Variants in PLCL2 observed in about 807,000 individuals in gnomAD.
PLCL2 encodes phospholipase C like 2, also known as inactive phospholipase C-like protein 2.
Under a neutral mutation model 79.6 loss-of-function variants are expected in PLCL2, and 4 were observed. The observed-to-expected ratio is 0.05, with a 90% CI of 0.02 to 0.11. The LOEUF (loss-of-function observed/expected upper bound fraction) is 0.11, where lower values mean the gene tolerates loss of function less well. Ranked by LOEUF, PLCL2 falls within the 10% of genes least tolerant of loss-of-function variation. The pLI, the probability that PLCL2 is intolerant of heterozygous loss-of-function variation, is 1.00. For missense variants in PLCL2, 895 were observed against 1,291.0 expected, an observed-to-expected ratio of 0.69 and a Z score of 4.70; for synonymous variants, 484 against 457.7, an observed-to-expected ratio of 1.06 and a Z score of -0.73.
At position 17,047,530 on chromosome 3, in the gene PLCL2, G is replaced by T. The variant is rs372041425; in HGVS notation, c.3094+4581G>T. ...CGTATTTTCATGCATGGCCAGGGTT[G>T]CATCTTCACTGAGTAAAGTGGGATC... On this transcript the variant is annotated intron_variant, in intron 4 of 5. Transcript: ENST00000615277. 2.0e-5 allele frequency among the ~76,000 whole-genome samples: 3 copies of T among 152,304 alleles called. No homozygotes were observed. The East Asian group carries it at 5.8e-4, about 29-fold the overall frequency.
chr3:16,887,961 C>A lies in PLCL2; in HGVS notation c.327+2595C>A, dbSNP rs534014474. ...TAGTAAGCAAGGTGATAATTGGGGA[C>A]TTGAGGGAATAGCAGGGAGTGAATG... On this transcript the variant is annotated intron_variant, in intron 1 of 5. Transcript: ENST00000615277. This position sits in a 1 kb window ranked among gnomAD's most constrained non-coding sequence, Gnocchi z 4.1. Among the ~76,000 whole-genome samples the A allele has an allele frequency of 1.3e-4, 19 of 151,976 alleles. No individual in the cohort carries two copies. Among genetic ancestry groups the A allele is most frequent in the Middle Eastern group, 6.8e-3 (2 of 294 alleles).
At chr3:17,001,612 C>T (rs1454209864) in intron 1 of PLCL2, among the ~76,000 whole-genome samples, 1 of 152,046 alleles carries the variant, frequency 6.6e-6, no homozygotes, top group African/African-American at 2.4e-5. Context: ...AAGAGACTGT[C>T]CTTTCCTTAA....
rs936337942 is a variant in PLCL2 at position 17,035,167 on chromosome 3, G to A, written c.3019-7707G>A. ...AGAAGCAAGCTGTCACATAATTTCC[G>A]GTTGTACTCGAGGTTCTTAGACTTC... On this transcript the variant is annotated intron_variant, in intron 3 of 5. Transcript: ENST00000615277. 5.3e-5 allele frequency among the ~76,000 whole-genome samples: 8 copies of A among 152,062 alleles called. 1 individual carries two copies. The highest frequency in any genetic ancestry group is 4.1e-4 in the South Asian group (2 of 4,826).
At chr3:16,951,368 C>A (rs551025946) in intron 1 of PLCL2, among the ~76,000 whole-genome samples, 3 of 151,914 alleles carry the variant, frequency 2.0e-5, no homozygotes, top group African/African-American at 7.3e-5. Flanking sequence ...TTTTAACATA[C>A]TATCTGAATT....
chr3:16,996,057 G>C (rs1048700203), intron 1 of PLCL2, among the ~76,000 whole-genome samples: 8 of 152,212 alleles, frequency 5.3e-5, no homozygotes, highest in Non-Finnish European at 1.2e-4. Flanking sequence ...AGGGAAATCA[G>C]CACTGGCCCC....
chr3:17,025,323 T>A (rs576483113), intron 3 of PLCL2, among the ~76,000 whole-genome samples: 4 of 152,180 alleles, frequency 2.6e-5, no homozygotes, highest in African/African-American at 9.7e-5. Context: ...GTATATACTT[T>A]TTTATGGAGA....
chr3:16,911,985 G>T (rs1696892826), intron 1 of PLCL2, among the ~76,000 whole-genome samples: 1 of 152,084 alleles, frequency 6.6e-6, no homozygotes, highest in South Asian at 2.1e-4. Context: ...AAACATAAAT[G>T]AATTTCTTGT....
At chr3:16,926,226 T>C (rs1016798824) in intron 1 of PLCL2, among the ~76,000 whole-genome samples, 1 of 152,188 alleles carries the variant, frequency 6.6e-6, no homozygotes, top group African/African-American at 2.4e-5. Context: ...TTTAAGTTGC[T>C]CTCAAACAAA....
At chr3:17,082,138 A>AG (rs1419623534) in intron 5 of PLCL2, among the ~76,000 whole-genome samples, 2 of 88,328 alleles carry the variant, frequency 2.3e-5, no homozygotes, top group Non-Finnish European at 4.5e-5. Context: ...CCTCTTTCAG[A>AG]GTTTTTTTTT....
chr3:17,053,756 T>C (rs543004151), intron 4 of PLCL2, among the ~76,000 whole-genome samples: 3 of 152,286 alleles, frequency 2.0e-5, no homozygotes, highest in Non-Finnish European at 4.4e-5. Flanking sequence ...AGAAAGGGAC[T>C]ACAGGGAGCA....
chr3:16,905,992 G>A (rs1696743411), intron 1 of PLCL2, among the ~76,000 whole-genome samples: 1 of 152,162 alleles, frequency 6.6e-6, no homozygotes, highest in South Asian at 2.1e-4. Context: ...TTTGGGCTAG[G>A]GAGGACTTTA....
intron 1 of PLCL2, among the ~76,000 whole-genome samples, chr3:16,990,312 A>G (rs2064092263): frequency 6.6e-6 from 1 of 152,222 alleles, no homozygotes. Context: ...TGCAGAAGAC[A>G]GACCAGAGCC....
chr3:17,026,180 T>C (rs551398195), intron 3 of PLCL2, among the ~76,000 whole-genome samples: 17 of 152,274 alleles, frequency 1.1e-4, no homozygotes, highest in African/African-American at 4.1e-4. Flanking sequence ...TTAATAATGG[T>C]TTTAAGCCTT....
At chr3:16,900,100 T>A (rs1212126880) in intron 1 of PLCL2, among the ~76,000 whole-genome samples, 2 of 152,208 alleles carry the variant, frequency 1.3e-5, no homozygotes, top group Admixed American at 1.3e-4. Context: ...CACGATTGTT[T>A]TAGTTGCTAC....
At chr3:16,950,994 G>A (rs1019323147) in intron 1 of PLCL2, among the ~76,000 whole-genome samples, 13 of 152,046 alleles carry the variant, frequency 8.6e-5, no homozygotes, top group Middle Eastern at 3.4e-3. Flanking sequence ...TGTGTATGAG[G>A]GCTATGATCA....
chr3:17,026,794 G>C (rs985920181), intron 3 of PLCL2, among the ~76,000 whole-genome samples: 2 of 152,008 alleles, frequency 1.3e-5, no homozygotes, highest in African/African-American at 4.8e-5. Context: ...TTGAACCCAG[G>C]AGGCAGAGGT....
At chr3:16,975,945 AT>A (rs1254244714) in intron 1 of PLCL2, among the ~76,000 whole-genome samples, 1 of 152,036 alleles carries the variant, frequency 6.6e-6, no homozygotes, top group Non-Finnish European at 1.5e-5. Flanking sequence ...GGTACTCTGT[AT>A]TAGGTTGGCT....
chr3:16,988,364 G>A (rs1270457990), intron 1 of PLCL2, among the ~76,000 whole-genome samples: 2 of 152,154 alleles, frequency 1.3e-5, no homozygotes, highest in African/African-American at 2.4e-5. Context: ...TTTAGTGCTA[G>A]TTGACTTTTC....
At chr3:17,002,361 T>C (rs1311286779) in intron 1 of PLCL2, among the ~76,000 whole-genome samples, 1 of 152,160 alleles carries the variant, frequency 6.6e-6, no homozygotes, top group African/African-American at 2.4e-5. Context: ...TCTCTCTTTC[T>C]GTTGCCTAAT....
Sources: gnomAD v4.1 joint callset for allele counts (sites outside exome capture counted in the v4.1 genomes callset) on GRCh38, gnomAD v4.1.1 for gene constraint, Gnocchi (gnomAD v3.1) non-coding constraint, MANE v1.5 for transcripts, NCBI Gene and HGNC (gene_info 2026-07-23, HGNC 2026-07-21) for gene names.